Variants in CAPN5 observed in about 807,000 individuals in gnomAD.
CAPN5 encodes the protein calpain-5.
CAPN5 carries 54 observed loss-of-function variants against 73.0 expected under a neutral mutation model. That is an observed-to-expected ratio of 0.74 (90% CI 0.59 to 0.93). CAPN5 has a LOEUF of 0.93. Among genes scored for constraint, CAPN5 ranks in the 40% least tolerant of loss-of-function variants. CAPN5 has a pLI of 0.00. For synonymous variants in CAPN5, 335 were observed against 356.9 expected, an observed-to-expected ratio of 0.94 and a Z score of 0.69; for missense variants, 785 against 882.9, an observed-to-expected ratio of 0.89 and a Z score of 1.41.
chr11:77,071,895 C>G (rs771515715), intron 1 of CAPN5, among the ~76,000 whole-genome samples: 1 of 152,194 alleles, frequency 6.6e-6, no homozygotes, highest in African/African-American at 2.4e-5. Flanking sequence ...CAGGAAGAAC[C>G]CTAGCCAAAT....
At chr11:77,103,941 G>A (rs2135459224) in intron 3 of CAPN5, among the ~76,000 whole-genome samples, 1 of 152,328 alleles carries the variant, frequency 6.6e-6, no homozygotes, top group South Asian at 2.1e-4. Context: ...TGTAGGCCCA[G>A]CTGTGGCTCT....
intron 7 of CAPN5, 49 bp from the exon 8 acceptor site, chr11:77,118,108 C>T: frequency 1.9e-6 from 3 of 1,542,732 alleles, no homozygotes; most frequent in Non-Finnish European, 2.7e-6. Context: ...GGCCAAGAGC[C>T]TGGGGAGGTG....
intron 4 of CAPN5, among the ~76,000 whole-genome samples, chr11:77,113,736 G>GGCTTGTCCTCCCCACTCCACAGGA (rs6144402): frequency 6.6e-6 from 1 of 151,998 alleles, no homozygotes; most frequent in Non-Finnish European, 1.5e-5. Context: ...CCTGGATGCA[G>GGCTTGTCCTCCCCACTCCACAGGA]GTCGACCCAG....
intron 1 of CAPN5, among the ~76,000 whole-genome samples, chr11:77,071,204 A>G (rs1287220942): frequency 1.3e-5 from 2 of 151,956 alleles, no homozygotes; most frequent in Non-Finnish European, 2.9e-5. Context: ...GTCACTCACA[A>G]TGTCTGTCTC....
intron 3 of CAPN5, among the ~76,000 whole-genome samples, chr11:77,108,173 C>G (rs1215071512): frequency 6.6e-6 from 1 of 152,232 alleles, no homozygotes; most frequent in Non-Finnish European, 1.5e-5. Flanking sequence ...CAGGAAGACT[C>G]CAGCCAGCTT....
At chr11:77,100,003 A>G (rs1378535596) in intron 3 of CAPN5, among the ~76,000 whole-genome samples, 3 of 151,812 alleles carry the variant, frequency 2.0e-5, no homozygotes, top group Admixed American at 2.0e-4. Context: ...TACCCGGCTA[A>G]TTTTTGTATT....
chr11:77,067,427 C>T (rs1253270395), intron 1 of CAPN5, among the ~76,000 whole-genome samples: 1 of 152,000 alleles, frequency 6.6e-6, no homozygotes, highest in South Asian at 2.1e-4. Flanking sequence ...GTCACTTCCT[C>T]TCATCTTCCT....
chr11:77,091,027 G>A (rs1158250929), intron 2 of CAPN5, among the ~76,000 whole-genome samples: 1 of 152,240 alleles, frequency 6.6e-6, no homozygotes, highest in Non-Finnish European at 1.5e-5. Flanking sequence ...GGTGCACCCT[G>A]TAGTGCCAAC....
intron 2 of CAPN5, among the ~76,000 whole-genome samples, chr11:77,085,821 T>G (rs548445868): frequency 6.6e-6 from 1 of 151,932 alleles, no homozygotes; most frequent in African/African-American, 2.4e-5. Flanking sequence ...GTGGCCTGGG[T>G]GGAGGGGAGG....
chr11:77,080,569 C>T (rs782084017), intron 1 of CAPN5, among the ~76,000 whole-genome samples: 12 of 152,152 alleles, frequency 7.9e-5, no homozygotes, highest in Non-Finnish European at 1.2e-4. Context: ...GGTATCAGCC[C>T]GCTGGAAGAT....
intron 5 of CAPN5, among the ~76,000 whole-genome samples, chr11:77,114,677 G>C (rs1439146158): frequency 2.6e-5 from 4 of 152,200 alleles, no homozygotes; most frequent in African/African-American, 9.7e-5. Context: ...GAACGTCTGT[G>C]CATCTGAGGG....
At chr11:77,119,784 G>C (rs368200770) in intron 9 of CAPN5, 2 of 154,012 alleles carry the variant, frequency 1.3e-5, no homozygotes, top group African/African-American at 4.8e-5. Context: ...TGGCCACGCC[G>C]TGGCACTTTG....
chr11:77,080,570 G>A (rs533676304), intron 1 of CAPN5, among the ~76,000 whole-genome samples: 13 of 152,282 alleles, frequency 8.5e-5, no homozygotes, highest in South Asian at 6.2e-4. Context: ...GTATCAGCCC[G>A]CTGGAAGATG....
At position 77,116,260 on chromosome 11, in the gene CAPN5, C is replaced by T. The variant is rs534203457; in HGVS notation, c.928C>T (p.Arg310Trp). The T allele has an allele frequency of 7.8e-5, 126 of 1,613,598 alleles. 1 individual carries two copies. Among genetic ancestry groups the T allele is most frequent in the South Asian group, 6.9e-4 (63 of 90,916 alleles). The stretch of plus-strand genomic sequence containing the variant: ...GTGGCAGAAAGTGAGCAAGAGTGAG[C>T]GGGAGAAGATGGGTGTGACCGTGCA... ...EEWQKVSKSE[R>W]EKMGVTVQDD... The change falls in exon 7 of 13, where the codon CGG becomes TGG. Residue 310 changes from arginine (R) to tryptophan (W), a missense_variant. By Grantham distance (101) the Arg-to-Trp change is moderately radical (BLOSUM62 -3). Transcript: ENST00000648180.
intron 2 of CAPN5, among the ~76,000 whole-genome samples, chr11:77,085,748 T>C (rs1950078904): frequency 1.3e-5 from 2 of 151,420 alleles, no homozygotes; most frequent in African/African-American, 2.4e-5. Context: ...GATTCCTGGG[T>C]GTGAGGGTGG....
In CAPN5 at chr11:77,116,145, C is replaced by G. The variant is rs554782837; in HGVS notation, c.894-81C>G. ...CCTGGTGCAAGACTGCCCCTCGTGC[C>G]TCCTCGCCTTTGCCAGACAGATTCT... is the stretch of plus-strand genomic sequence containing the variant. On this transcript the variant is annotated intron_variant, in intron 6 of 12. Transcript: ENST00000648180. The G allele has an allele frequency of 2.2e-6, 3 of 1,343,218 alleles. No individual in the cohort carries two copies. In the African/African-American group the frequency reaches 4.3e-5, roughly 19 times the overall value. 83.2% of individuals were successfully genotyped at this position (1,343,218 alleles called of 1,614,324 possible).
chr11:77,124,479 G>C lies in CAPN5; in HGVS notation c.*609G>C, dbSNP rs1429670410. 6.5e-6 allele frequency: 1 copy of C among 153,192 alleles called. No individual in the cohort carries two copies. Among genetic ancestry groups the C allele is most frequent in the Non-Finnish European group, 1.5e-5 (1 of 68,674 alleles). The allele number at this position is 153,192 out of a possible 1,614,324, so 9.5% of individuals were successfully genotyped here. A position where few individuals can be genotyped will look rare whatever the true frequency, so the allele number is the denominator to read the frequency against. The stretch of plus-strand genomic sequence containing the variant: ...CGACACCTTTGAGGCCCCAGGTGAA[G>C]CGGGGCCCTACTCCGGCCTCTGCCT... On this transcript the variant is annotated 3_prime_UTR_variant, in exon 13 of 13. Transcript: ENST00000648180.
chr11:77,090,392 T>G (rs1950136660), intron 2 of CAPN5, among the ~76,000 whole-genome samples: 1 of 152,190 alleles, frequency 6.6e-6, no homozygotes, highest in South Asian at 2.1e-4. Context: ...TGGAGAAGTG[T>G]CTGGGGCCAG....
At chr11:77,102,673 A>T (rs973773899) in intron 3 of CAPN5, among the ~76,000 whole-genome samples, 2 of 152,114 alleles carry the variant, frequency 1.3e-5, no homozygotes, top group Non-Finnish European at 2.9e-5. Flanking sequence ...CCTGACACAC[A>T]CCCCATTTTG....
Sources: allele counts gnomAD v4.1 joint callset (sites outside exome capture counted in the v4.1 genomes callset), GRCh38; gene constraint gnomAD v4.1.1; transcripts MANE v1.5; gene names NCBI Gene and HGNC (gene_info 2026-07-23, HGNC 2026-07-21).